MUC20: variants seen among roughly 807,000 people sequenced by gnomAD.
The protein encoded by MUC20 is mucin 20, cell surface associated, also known as mucin-20.
MUC20 carries 14 observed loss-of-function variants against 23.8 expected under a neutral mutation model. The ratio of observed to expected loss-of-function variants is 0.59; its 90% CI spans 0.39 to 0.92. MUC20 has a LOEUF of 0.92. MUC20 is among the 40% of genes least tolerant of loss of function. The pLI, the probability that MUC20 is intolerant of heterozygous loss-of-function variation, is 0.00. For missense variants in MUC20, 375 were observed against 668.8 expected, an observed-to-expected ratio of 0.56 and a Z score of 4.85; for synonymous variants, 166 against 279.3, an observed-to-expected ratio of 0.59 and a Z score of 4.04.
rs1050093992 is a variant in MUC20, at chr3:195,733,029, G to A, written c.2062-121G>A. 6.6e-5 allele frequency: 68 copies of A among 1,028,032 alleles called. No individual in the cohort carries two copies. The African/African-American group carries it at 9.6e-4, about 14-fold the overall frequency. 63.7% of individuals were successfully genotyped at this position (1,028,032 alleles called of 1,614,324 possible). On this transcript the variant is annotated intron_variant, in intron 3 of 3. Transcript: ENST00000447234. ...CCAGCCTGTGTCCAGCATGTAGGAGGCCCAGGAAGGGTTGCCGTCCTCCGC... is the reference window on the plus strand; with the variant it reads ...CCAGCCTGTGTCCAGCATGTAGGAGACCCAGGAAGGGTTGCCGTCCTCCGC...
At chr3:195,722,165 A>G (rs543329257) in intron 1 of MUC20, 2 of 581,248 alleles carry the variant, frequency 3.4e-6, no homozygotes, top group African/African-American at 2.1e-5. Context: ...ATTATCATAC[A>G]TTGTATTTTT....
chr3:195,729,885 A>T, intron 3 of MUC20, 146 bp downstream of exon 3: 1 of 792,264 alleles, frequency 1.3e-6, no homozygotes, highest in East Asian at 2.7e-5. Context: ...GCTGAATCTG[A>T]GGATCTCTGC....
intron 2 of MUC20, among the ~76,000 whole-genome samples, chr3:195,728,876 C>G (rs1298262954): frequency 6.6e-6 from 1 of 152,210 alleles, no homozygotes; most frequent in Non-Finnish European, 1.5e-5. Flanking sequence ...TGCTTGTAAA[C>G]ATTTTGTTAA....
Position 195,726,072 on chromosome 3 carries a change from C to T in MUC20, c.1469C>T (p.Ala490Val), listed in dbSNP as rs1712604840. 1.2e-6 allele frequency: 2 copies of T among 1,613,636 alleles called. No homozygotes were observed. Among genetic ancestry groups the T allele is most frequent in the Middle Eastern group, 1.7e-4 (1 of 6,058 alleles). ...TLSTAGTTES[A>V]APDATVGTPL... ...TCCACAGCCGGCACCACAGAGTCAGCTGCACCTGATGCCACGGTTGGGACC... is the reference window on the plus strand; with the variant it reads ...TCCACAGCCGGCACCACAGAGTCAGTTGCACCTGATGCCACGGTTGGGACC... Residue 490 changes from alanine (A) to valine (V), a missense_variant, in exon 2 of 4, where the codon GCT (alanine) becomes GTT (valine). Physicochemically the swap from Ala to Val is moderately conservative, Grantham distance 64. Transcript: ENST00000447234.
At chr3:195,721,307 C>T (rs1319085207) in intron 1 of MUC20, among the ~76,000 whole-genome samples, 4 of 152,226 alleles carry the variant, frequency 2.6e-5, no homozygotes, top group South Asian at 2.1e-4. Context: ...TCAACCATGA[C>T]GATGTGTGTG....
chr3:195,727,213 A>G (rs937395281), intron 2 of MUC20, among the ~76,000 whole-genome samples: 1 of 152,270 alleles, frequency 6.6e-6, no homozygotes, highest in African/African-American at 2.4e-5. Flanking sequence ...CAGGCTGACC[A>G]ACATGGTGAA....
At chr3:195,721,714 G>GAGCAA (rs1712127527) in intron 1 of MUC20, 1 of 149,580 alleles carries the variant, frequency 6.7e-6, no homozygotes, top group African/African-American at 2.5e-5. Flanking sequence ...TTTTTTTTTA[G>GAGCAA]TTCTATGCTC....
At chr3:195,731,821 C>T (rs1188329790) in intron 3 of MUC20, among the ~76,000 whole-genome samples, 1 of 152,246 alleles carries the variant, frequency 6.6e-6, no homozygotes, top group African/African-American at 2.4e-5. Context: ...GTTCTCTTAG[C>T]AGCAGTGAGG....
Position 195,725,899 on chromosome 3 carries a change from G to T in MUC20, c.1296G>T (p.Thr432=), listed in dbSNP as rs2550231. 1 of 925,174 alleles carries T rather than the reference G, an allele frequency of 1.1e-6. No homozygotes were observed. Among genetic ancestry groups the T allele is most frequent in the Non-Finnish European group, 1.6e-6 (1 of 613,938 alleles). The allele number at this position is 925,174 out of a possible 1,614,324, so 57.3% of individuals were successfully genotyped here. Residue 432 remains threonine (T), a synonymous_variant, in exon 2 of 4, where the codon ACG becomes ACT. Transcript: ENST00000447234. ...INCSITEIET[T]TSSIPGASDT... ...GCAGCATCACAGAAATAGAAACAACGACTTCCAGCATCCCTGGGGCCTCAG... is the reference window on the plus strand; with the variant it reads ...GCAGCATCACAGAAATAGAAACAACTACTTCCAGCATCCCTGGGGCCTCAG...
At chr3:195,732,321 T>G (rs1713476668) in intron 3 of MUC20, among the ~76,000 whole-genome samples, 1 of 138,680 alleles carries the variant, frequency 7.2e-6, no homozygotes, top group Non-Finnish European at 1.6e-5. Flanking sequence ...GGAAGCCAGT[T>G]TTCTTTTTCT....
chr3:195,733,051 C>G, intron 3 of MUC20, 99 bp from the exon 4 acceptor site: 1 of 1,332,904 alleles, frequency 7.5e-7, no homozygotes, highest in Non-Finnish European at 1.1e-6. Flanking sequence ...TTGCCGTCCT[C>G]CGCATGCACT....
chr3:195,727,014 A>G (rs1273505777), intron 2 of MUC20, among the ~76,000 whole-genome samples: 1 of 152,294 alleles, frequency 6.6e-6, no homozygotes. Flanking sequence ...CATCAGGCCC[A>G]AGCTGCTGCT....
chr3:195,729,232 C>T (rs982719082), intron 2 of MUC20: 5 of 204,254 alleles, frequency 2.4e-5, no homozygotes, highest in Admixed American at 5.5e-5. Flanking sequence ...ACATGTAACC[C>T]GTGAGATTGT....
chr3:195,732,345 TC>T (rs375864834), intron 3 of MUC20, among the ~76,000 whole-genome samples: 1 of 47,984 alleles, frequency 2.1e-5, no homozygotes, highest in African/African-American at 5.0e-5. Flanking sequence ...TCTTTTTCTT[TC>T]TCTTTTTCTT....
In MUC20 at chr3:195,729,675, G is replaced by C. The variant is rs373842253; in HGVS notation, c.1997G>C (p.Arg666Pro). ...AGENGGFLLLRLSVASPEDLT... is the reference protein window; with the variant it reads ...AGENGGFLLLPLSVASPEDLT... ...GAAAATGGAGGTTTCCTCCTCCTGC[G>C]GCTGAGTGTGGCTTCCCCGGAAGAC... Residue 666 changes from arginine (R) to proline (P), a missense_variant, in exon 3 of 4, where the codon CGG becomes CCG. Coordinates refer to ENST00000447234, the MANE Select transcript of MUC20 (RefSeq NM_001282506.2). The C allele has an allele frequency of 4.3e-5, 69 of 1,593,218 alleles. No individual in the cohort carries two copies. The East Asian group carries it at 1.6e-3, about 36-fold the overall frequency.
chr3:195,733,265 G>A lies in MUC20; in HGVS notation c.*47G>A, dbSNP rs1192612405. ...CATGTCCCGTATGCCAAAAGAGGGT[G>A]CTGCCCCTAGCCTGGGCCCCCACCG... On this transcript the variant is annotated 3_prime_UTR_variant, in exon 4 of 4. Coordinates refer to ENST00000447234, the MANE Select transcript of MUC20 (RefSeq NM_001282506.2). 1.3e-6 allele frequency: 2 copies of A among 1,558,756 alleles called. No homozygotes were observed. The highest frequency in any genetic ancestry group is 2.4e-5 in the South Asian group (2 of 84,228).
In MUC20 at chr3:195,726,255, C is replaced by A. The variant is rs368331468; in HGVS notation, c.1652C>A (p.Pro551Gln). Residue 551 changes from proline to glutamine, a missense_variant, in exon 2 of 4, where the codon CCG (proline) becomes CAG (glutamine). Pro to Gln is a moderately conservative substitution (Grantham distance 76, BLOSUM62 -1). Transcript: ENST00000447234. ...PSYVKVSGAA[P>Q]VSIEAGSAVG... ...TACGTCAAAGTCTCAGGAGCAGCTC[C>A]GGTCTCCATAGAGGCTGGGTCAGCA... is the stretch of plus-strand genomic sequence containing the variant. 9 of 1,614,010 alleles carry A rather than the reference C, an allele frequency of 5.6e-6. No individual in the cohort carries two copies. Among genetic ancestry groups the A allele is most frequent in the Non-Finnish European group, 7.6e-6 (9 of 1,179,864 alleles).
Position 195,733,409 on chromosome 3 carries a change from T to G in MUC20, c.*191T>G. The G allele has an allele frequency of 2.1e-6, 3 of 1,447,510 alleles. No homozygotes were observed. The highest frequency in any genetic ancestry group is 2.7e-6 in the Non-Finnish European group (3 of 1,103,096). 89.7% of individuals were successfully genotyped at this position (1,447,510 alleles called of 1,614,324 possible). On this transcript the variant is annotated 3_prime_UTR_variant, in exon 4 of 4. Coordinates refer to ENST00000447234, the MANE Select transcript of MUC20 (RefSeq NM_001282506.2). The stretch of plus-strand genomic sequence containing the variant: ...GGACCCTCGCTCACATCCACCGGAG[T>G]GTATGTGTGGGGAGGGGCTTCACCT...
At chr3:195,732,028 G>C (rs1431292889) in intron 3 of MUC20, among the ~76,000 whole-genome samples, 1 of 140,280 alleles carries the variant, frequency 7.1e-6, no homozygotes, top group African/African-American at 2.6e-5. Flanking sequence ...TTCTGAGACT[G>C]AGTCTCACTC....
Sources: gnomAD v4.1 joint callset for allele counts (sites outside exome capture counted in the v4.1 genomes callset) on GRCh38, gnomAD v4.1.1 for gene constraint, MANE v1.5 for transcripts, NCBI Gene and HGNC (gene_info 2026-07-23, HGNC 2026-07-21) for gene names.